The following SMG6 variants were observed in gnomAD, a reference collection of about 807,000 sequenced individuals.
SMG6 encodes the protein SMG6 nonsense mediated mRNA decay factor.
SMG6 carries 66 observed loss-of-function variants against 142.2 expected under a neutral mutation model. The observed-to-expected ratio is 0.46, with a 90% CI of 0.38 to 0.57. The LOEUF (loss-of-function observed/expected upper bound fraction) is 0.57, where lower values mean the gene tolerates loss of function less well. SMG6 is among the 20% of genes least tolerant of loss of function. The pLI, the probability that SMG6 is intolerant of heterozygous loss-of-function variation, is 0.00. For missense variants in SMG6, 1,793 were observed against 1,832.0 expected (o/e 0.98, Z 0.39); for synonymous variants, 779 against 702.4 (o/e 1.11, Z -1.72).
At position 2,060,141 on chromosome 17, in the gene SMG6, A is replaced by C. The variant is rs1219511814; in HGVS notation, c.*1351T>G. The C allele has an allele frequency of 6.6e-6, 1 of 152,610 alleles. No homozygotes were observed. The highest frequency in any genetic ancestry group is 1.5e-5 in the Non-Finnish European group (1 of 68,320). 9.5% of individuals were successfully genotyped at this position (152,610 alleles called of 1,614,324 possible). ...CACCCATCCTCCAGGCAGGCTGTGC[A>C]GTCAGGCCATGGGCTCTGGGGTATC... On this transcript the variant is annotated 3_prime_UTR_variant, in exon 19 of 19. Transcript: ENST00000263073.
At chr17:2,257,795 C>T (rs1461063730) in intron 8 of SMG6, among the ~76,000 whole-genome samples, 1 of 151,214 alleles carries the variant, frequency 6.6e-6, no homozygotes, top group African/African-American at 2.4e-5. Flanking sequence ...GGGCGGATCA[C>T]GAGATCAAGA....
intron 8 of SMG6, among the ~76,000 whole-genome samples, chr17:2,263,016 A>C (rs2151337419): frequency 6.6e-6 from 1 of 152,332 alleles, no homozygotes. Context: ...ACTATACTGT[A>C]AGATAAAATA....
intron 16 of SMG6, among the ~76,000 whole-genome samples, chr17:2,067,021 G>C (rs1261067594): frequency 6.6e-6 from 1 of 152,188 alleles, no homozygotes; most frequent in Non-Finnish European, 1.5e-5. Flanking sequence ...GTCTACCAAG[G>C]AAAGCATCAG....
chr17:2,094,185 T>C (rs2068797784), intron 13 of SMG6, among the ~76,000 whole-genome samples: 1 of 152,188 alleles, frequency 6.6e-6, no homozygotes, highest in Non-Finnish European at 1.5e-5. Flanking sequence ...GTACGGGCGG[T>C]GGCTCTGCCT....
At chr17:2,086,082 G>A (rs753544979) in intron 13 of SMG6, among the ~76,000 whole-genome samples, 181 bp from the exon 14 acceptor site, 50 of 152,184 alleles carry the variant, frequency 3.3e-4, no homozygotes, top group African/African-American at 1.1e-3. Flanking sequence ...TGAGGGCCCA[G>A]GGCAGGCTGA....
intron 15 of SMG6, among the ~76,000 whole-genome samples, chr17:2,074,313 A>G (rs2151412070): frequency 6.6e-6 from 1 of 152,262 alleles, no homozygotes; most frequent in Middle Eastern, 3.4e-3. Flanking sequence ...AAAACTGGAA[A>G]TAAAATAAAA....
At chr17:2,276,128 G>A (rs1431264157) in intron 8 of SMG6, among the ~76,000 whole-genome samples, 2 of 152,176 alleles carry the variant, frequency 1.3e-5, no homozygotes, top group African/African-American at 2.4e-5. Flanking sequence ...TGTTCATTTT[G>A]AAAATGAGAA....
In SMG6 at chr17:2,292,970, T is replaced by C. The variant is rs2075071996; in HGVS notation, c.2159A>G (p.Tyr720Cys). 4 of 1,612,908 alleles carry C rather than the reference T, an allele frequency of 2.5e-6. No homozygotes were observed. Among genetic ancestry groups the C allele is most frequent in the East Asian group, 2.2e-5 (1 of 44,900 alleles). ...GCATCGCTGGGCACTGATCAAGGCATATTTTACCTTCAGGAAAAACAACCA... is the reference window on the plus strand; with the variant it reads ...GCATCGCTGGGCACTGATCAAGGCACATTTTACCTTCAGGAAAAACAACCA... ...RSKPLRKTVK[Y>C]ALISAQRCMI... The change falls in exon 5 of 19, where the codon TAT (tyrosine) becomes TGT (cysteine). Residue 720 changes from tyrosine to cysteine, a missense_variant. Coordinates refer to ENST00000263073, the MANE Select transcript of SMG6 (RefSeq NM_017575.5).
Position 2,299,981 on chromosome 17 carries a change from T to C in SMG6, c.772A>G (p.Ser258Gly). 2 of 1,614,138 alleles carry C rather than the reference T, an allele frequency of 1.2e-6. No homozygotes were observed. Among genetic ancestry groups the C allele is most frequent in the African/African-American group, 2.7e-5 (2 of 75,066 alleles). The change falls in exon 2 of 19, where the codon AGC (serine) becomes GGC (glycine). Residue 258 changes from serine to glycine, a missense_variant. Around this residue, in one of 3 missense-constraint regions of SMG6, gnomAD observed 1,597 missense variants for 1,584.6 expected, o/e 1.01. Coordinates refer to ENST00000263073, the MANE Select transcript of SMG6 (RefSeq NM_017575.5). This position sits in a 1 kb window ranked among gnomAD's most constrained non-coding sequence, Gnocchi z 4.3. ...DKRRNRYRTRSTSSAGSNNSA... is the reference protein window; with the variant it reads ...DKRRNRYRTRGTSSAGSNNSA... ...TTGTTGCTGCCAGCTGAGCTGGTGC[T>C]GCGCGTGCGGTAGCGATTCCTTCGT...
chr17:2,179,334 C>T (rs1209765498), intron 12 of SMG6, among the ~76,000 whole-genome samples: 4 of 152,154 alleles, frequency 2.6e-5, no homozygotes, highest in African/African-American at 9.7e-5. Flanking sequence ...GGGATTAGTT[C>T]TTATTTCAGA....
chr17:2,224,243 A>T (rs2073255031), intron 10 of SMG6, among the ~76,000 whole-genome samples: 1 of 152,200 alleles, frequency 6.6e-6, no homozygotes, highest in South Asian at 2.1e-4. Flanking sequence ...CTGCATGGAC[A>T]CAGCCAAGAT....
chr17:2,260,543 A>G (rs975460932), intron 8 of SMG6, among the ~76,000 whole-genome samples: 3 of 152,230 alleles, frequency 2.0e-5, no homozygotes, highest in African/African-American at 7.2e-5. Context: ...TTTATCTTCC[A>G]AATTCTCTCT....
chr17:2,190,066 G>A (rs1288093166), intron 10 of SMG6, among the ~76,000 whole-genome samples: 1 of 152,158 alleles, frequency 6.6e-6, no homozygotes, highest in Non-Finnish European at 1.5e-5. Context: ...GAAGAGGGGA[G>A]GATGGAAAGC....
At chr17:2,254,041 T>C (rs554667347) in intron 8 of SMG6, among the ~76,000 whole-genome samples, 2 of 152,342 alleles carry the variant, frequency 1.3e-5, no homozygotes, top group South Asian at 4.1e-4. Flanking sequence ...CCAACTCAAA[T>C]GTGCCACCAG....
At chr17:2,206,373 T>C (rs948728938) in intron 10 of SMG6, among the ~76,000 whole-genome samples, 1 of 151,302 alleles carries the variant, frequency 6.6e-6, no homozygotes, top group Non-Finnish European at 1.5e-5. Flanking sequence ...ATCACTTGAG[T>C]CCAGCCTGGG....
At chr17:2,291,852 T>TAA (rs60668132) in intron 6 of SMG6, among the ~76,000 whole-genome samples, 8 of 133,482 alleles carry the variant, frequency 6.0e-5, no homozygotes, top group African/African-American at 1.4e-4. Flanking sequence ...CTGCCTCTCT[T>TAA]AAAAAAAAAA....
chr17:2,080,998 C>A (rs900402319), intron 15 of SMG6, among the ~76,000 whole-genome samples: 2 of 152,184 alleles, frequency 1.3e-5, no homozygotes, highest in Admixed American at 1.3e-4. Context: ...CCCCATGTTA[C>A]AAAGCTATTT....
intron 13 of SMG6, among the ~76,000 whole-genome samples, chr17:2,091,983 CTTT>C (rs970734368): frequency 4.7e-5 from 7 of 150,134 alleles, no homozygotes; most frequent in Non-Finnish European, 8.9e-5. Flanking sequence ...CGCCTGGCCC[CTTT>C]TTCTTTTTTT....
intron 8 of SMG6, among the ~76,000 whole-genome samples, chr17:2,260,338 AG>A (rs1367719997): frequency 6.6e-6 from 1 of 152,182 alleles, no homozygotes; most frequent in South Asian, 2.1e-4. Flanking sequence ...CCCCACAGCC[AG>A]ATGCTTCAAG....
Sources: allele counts gnomAD v4.1 joint callset (sites outside exome capture counted in the v4.1 genomes callset), GRCh38; gene constraint gnomAD v4.1.1; regional missense constraint gnomAD v4.1.1; non-coding constraint Gnocchi (gnomAD v3.1); transcripts MANE v1.5; gene names NCBI Gene and HGNC (gene_info 2026-07-23, HGNC 2026-07-21).